Variants in MACROD2 observed in about 807,000 individuals in gnomAD.
The protein encoded by MACROD2 is ADP-ribose glycohydrolase MACROD2.
A neutral mutation model predicts 70.4 loss-of-function variants in MACROD2; 36 were observed. The ratio of observed to expected loss-of-function variants is 0.51; its 90% CI spans 0.39 to 0.68. MACROD2 has a LOEUF of 0.68. Among genes scored for constraint, MACROD2 ranks in the 30% least tolerant of loss-of-function variants. The pLI is 0.00. For synonymous variants in MACROD2, 172 were observed against 178.8 expected (o/e 0.96, Z 0.30); for missense variants, 496 against 538.4 (o/e 0.92, Z 0.78).
intron 3 of MACROD2, among the ~76,000 whole-genome samples, chr20:14,171,855 G>T (rs2081223428): frequency 6.6e-6 from 1 of 152,110 alleles, no homozygotes; most frequent in African/African-American, 2.4e-5. Flanking sequence ...AAGTCCATTT[G>T]TTCTAAGGTA....
chr20:14,632,420 G>A (rs1984564838), intron 4 of MACROD2, among the ~76,000 whole-genome samples: 2 of 152,084 alleles, frequency 1.3e-5, no homozygotes, highest in Non-Finnish European at 2.9e-5. Flanking sequence ...GGTAGATATG[G>A]GAAATTGTCA....
intron 2 of MACROD2, among the ~76,000 whole-genome samples, chr20:14,003,268 A>G (rs2052761741): frequency 1.3e-5 from 2 of 152,228 alleles, no homozygotes; most frequent in South Asian, 4.1e-4. Flanking sequence ...GGGAAAGATT[A>G]GGCCTTGGTG....
chr20:15,009,159 G>A (rs1268344464), intron 5 of MACROD2, among the ~76,000 whole-genome samples: 1 of 152,074 alleles, frequency 6.6e-6, no homozygotes, highest in East Asian at 1.9e-4. Flanking sequence ...CCCCATTATT[G>A]CATCCTGGTC....
At chr20:15,283,717 A>C (rs1028135254) in intron 6 of MACROD2, among the ~76,000 whole-genome samples, 6 of 152,132 alleles carry the variant, frequency 3.9e-5, no homozygotes, top group Non-Finnish European at 7.4e-5. Context: ...AAGAAAAAGA[A>C]AAAGAAAAAT....
At chr20:14,947,880 A>G (rs1395382326) in intron 5 of MACROD2, among the ~76,000 whole-genome samples, 1 of 152,204 alleles carries the variant, frequency 6.6e-6, no homozygotes, top group African/African-American at 2.4e-5. Context: ...CGATCCTGGT[A>G]GCTCAATGCT....
chr20:14,179,136 G>A (rs2081287398), intron 3 of MACROD2, among the ~76,000 whole-genome samples: 2 of 152,154 alleles, frequency 1.3e-5, no homozygotes, highest in Admixed American at 1.3e-4. Context: ...ATCAGACTAT[G>A]TCTCATGATG....
chr20:15,983,042 G>A (rs2066424709), intron 13 of MACROD2, among the ~76,000 whole-genome samples: 1 of 152,328 alleles, frequency 6.6e-6, no homozygotes, highest in South Asian at 2.1e-4. Flanking sequence ...GTCAGGTCAG[G>A]TAGCCTCAGG....
chr20:14,741,506 G>A (rs970530363), intron 5 of MACROD2, among the ~76,000 whole-genome samples: 15 of 151,940 alleles, frequency 9.9e-5, no homozygotes, highest in Admixed American at 2.0e-4. Context: ...TATGAGAATA[G>A]GTATATTTAA....
chr20:14,296,177 A>G (rs575373282), intron 3 of MACROD2, among the ~76,000 whole-genome samples: 1 of 152,026 alleles, frequency 6.6e-6, no homozygotes, highest in East Asian at 1.9e-4. Context: ...TGAACAAATT[A>G]TCATATTTAT....
chr20:15,858,990 C>CCTACTATTGTAGGCTT (rs1440940130), intron 8 of MACROD2, among the ~76,000 whole-genome samples: 2 of 152,096 alleles, frequency 1.3e-5, no homozygotes, highest in Admixed American at 6.6e-5. Context: ...CTACTAATAG[C>CCTACTATTGTAGGCTT]CTACTATTGA....
At chr20:15,920,561 T>A (rs2065388666) in intron 10 of MACROD2, among the ~76,000 whole-genome samples, 1 of 152,214 alleles carries the variant, frequency 6.6e-6, no homozygotes, top group Non-Finnish European at 1.5e-5. Flanking sequence ...TTAAAAGACC[T>A]CTGTTGCATT....
intron 8 of MACROD2, among the ~76,000 whole-genome samples, chr20:15,599,348 C>T (rs1307952385): frequency 2.0e-5 from 3 of 152,138 alleles, no homozygotes; most frequent in Non-Finnish European, 2.9e-5. Flanking sequence ...GCCGAGATCG[C>T]GCCACTGCAC....
intron 9 of MACROD2, among the ~76,000 whole-genome samples, 181 bp from the exon 10 acceptor site, chr20:15,885,583 G>A (rs2064811505): frequency 6.6e-6 from 1 of 152,088 alleles, no homozygotes; most frequent in Non-Finnish European, 1.5e-5. Flanking sequence ...GCATTAATGT[G>A]TATACTTTCT....
chr20:15,182,010 A>T (rs1331701457), intron 5 of MACROD2, among the ~76,000 whole-genome samples: 1 of 152,164 alleles, frequency 6.6e-6, no homozygotes, highest in Non-Finnish European at 1.5e-5. Context: ...AGGTGGTCAG[A>T]TCATACCCCT....
rs188474998 is a variant in MACROD2 at position 14,465,925 on chromosome 20, C to T, written c.272-27554C>T. ...TCAGCTGTTAGTCTGATGGGCTTCC[C>T]TTTGTGGGTAACCTGACCTTTCTCT... On this transcript the variant is annotated intron_variant, in intron 3 of 17. Coordinates refer to ENST00000684519, the MANE Select transcript of MACROD2 (RefSeq NM_001351661.2). Among the ~76,000 whole-genome samples the T allele has an allele frequency of 1.1e-3, 161 of 152,238 alleles. 3 individuals are homozygous for T. Among genetic ancestry groups the T allele is most frequent in the Admixed American group, 9.8e-3 (150 of 15,284 alleles).
At chr20:14,024,513 G>T (rs1002762906) in intron 2 of MACROD2, among the ~76,000 whole-genome samples, 1 of 152,082 alleles carries the variant, frequency 6.6e-6, no homozygotes, top group Non-Finnish European at 1.5e-5. Flanking sequence ...TATGATATTG[G>T]CTGTGGGTTT....
In MACROD2 at chr20:14,909,974, G is replaced by A. The variant is rs146196817; in HGVS notation, c.418+225015G>A. On this transcript the variant is annotated intron_variant, in intron 5 of 17. Coordinates refer to ENST00000684519, the MANE Select transcript of MACROD2 (RefSeq NM_001351661.2). ...CTCCAATGTAGATTCTTGGGCATGC[G>A]TTGTTTTCTTGAGAACCTTTGGAAT... Among the ~76,000 whole-genome samples the A allele has an allele frequency of 1.8e-3, 274 of 152,164 alleles. 2 individuals carry two copies. The highest frequency in any genetic ancestry group is 2.5e-3 in the African/African-American group (102 of 41,534).
At chr20:16,033,056 A>C (rs1401234408) in intron 15 of MACROD2, among the ~76,000 whole-genome samples, 1 of 152,136 alleles carries the variant, frequency 6.6e-6, no homozygotes. Context: ...TAATTAAAAC[A>C]GCCCATTTCC....
chr20:15,835,953 T>G (rs531361403), intron 8 of MACROD2, among the ~76,000 whole-genome samples: 3 of 152,294 alleles, frequency 2.0e-5, no homozygotes, highest in Admixed American at 2.0e-4. Context: ...TTATCTCCCT[T>G]CCCTCCACAA....
Sources: allele counts gnomAD v4.1 joint callset (sites outside exome capture counted in the v4.1 genomes callset), GRCh38; gene constraint gnomAD v4.1.1; transcripts MANE v1.5; gene names NCBI Gene and HGNC (gene_info 2026-07-23, HGNC 2026-07-21).